The following GLIS3 variants were observed in gnomAD, a reference collection of about 807,000 sequenced individuals.
GLIS3 encodes GLIS family zinc finger 3.
In GLIS3, 53 loss-of-function variants were observed where a neutral mutation model predicts 78.6. The ratio of observed to expected loss-of-function variants is 0.67; its 90% CI spans 0.54 to 0.85. GLIS3 has a LOEUF of 0.85. GLIS3 is among the 40% of genes least tolerant of loss of function. The pLI is 0.00. For synonymous variants in GLIS3, 684 were observed against 509.9 expected (o/e 1.34, Z -4.60); for missense variants, 1,703 against 1,231.1 (o/e 1.38, Z -5.74).
intron 4 of GLIS3, among the ~76,000 whole-genome samples, chr9:3,944,615 G>T (rs1816166310): frequency 6.6e-6 from 1 of 152,180 alleles, no homozygotes. Context: ...CATGCAATCT[G>T]TGAATACATA....
At chr9:4,023,423 TCA>T in intron 4 of GLIS3, among the ~76,000 whole-genome samples, 1 of 152,172 alleles carries the variant, frequency 6.6e-6, no homozygotes, top group Admixed American at 6.5e-5. Flanking sequence ...AGCTTGGCCA[TCA>T]GACCCCAAAA....
intron 2 of GLIS3, among the ~76,000 whole-genome samples, chr9:4,283,947 A>C (rs1827773520): frequency 6.6e-6 from 1 of 152,246 alleles, no homozygotes; most frequent in South Asian, 2.1e-4. Flanking sequence ...GTAAGCTAGG[A>C]AGCTGAGCAA....
chr9:4,363,832 C>G, the GLIS3 span, among the ~76,000 whole-genome samples: 15 of 152,310 alleles, frequency 9.8e-5, no homozygotes, highest in African/African-American at 3.1e-4. Flanking sequence ...AATAATCCCA[C>G]AAGAGCTGGA....
intron 9 of GLIS3, among the ~76,000 whole-genome samples, chr9:3,848,148 A>G (rs1266642194): frequency 6.6e-6 from 1 of 152,230 alleles, no homozygotes; most frequent in Admixed American, 6.5e-5. Flanking sequence ...AACCTCATAT[A>G]TGCAGTTATG....
chr9:3,890,006 G>C (rs1010743731), intron 7 of GLIS3, among the ~76,000 whole-genome samples: 1 of 152,114 alleles, frequency 6.6e-6, no homozygotes, highest in African/African-American at 2.4e-5. Flanking sequence ...AGTTTTTTTA[G>C]ACACCTGAGA....
chr9:4,220,951 C>T lies in GLIS3; in HGVS notation c.388+65087G>A, dbSNP rs997381528. Among the ~76,000 whole-genome samples, 5 of 152,100 alleles carry T rather than the reference C, an allele frequency of 3.3e-5. No individual in the cohort carries two copies. In the East Asian group the frequency reaches 5.8e-4, roughly 18 times the overall value. Reference sequence around the variant, plus strand: ...AGTGAGCCATGATCACAGCACTGCACTCCAGCCTGGGTTACACAGCAAGAC... The same window carrying T: ...AGTGAGCCATGATCACAGCACTGCATTCCAGCCTGGGTTACACAGCAAGAC... On this transcript the variant is annotated intron_variant, in intron 2 of 10. Transcript: ENST00000381971.
intron 6 of GLIS3, among the ~76,000 whole-genome samples, chr9:3,906,926 G>A (rs1241241728): frequency 6.6e-6 from 1 of 152,088 alleles, no homozygotes; most frequent in African/African-American, 2.4e-5. Flanking sequence ...CATTCTTCCT[G>A]CCCGGAACGG....
intron 2 of GLIS3, among the ~76,000 whole-genome samples, chr9:4,237,620 T>C (rs1822889645): frequency 6.6e-6 from 1 of 152,216 alleles, no homozygotes. Flanking sequence ...GTTACCATTT[T>C]TACCCCAATT....
chr9:4,045,401 T>A (rs768498676), intron 4 of GLIS3, among the ~76,000 whole-genome samples: 5 of 152,022 alleles, frequency 3.3e-5, no homozygotes, highest in African/African-American at 7.3e-5. Context: ...AGTGGTGCGA[T>A]CTCGGCTCAC....
intron 2 of GLIS3, among the ~76,000 whole-genome samples, chr9:4,312,080 G>T (rs769906020): frequency 6.6e-6 from 1 of 152,166 alleles, no homozygotes; most frequent in Non-Finnish European, 1.5e-5. Flanking sequence ...CAACAAACCC[G>T]CATGACATGA....
chr9:4,431,520 T>C, the GLIS3 span, among the ~76,000 whole-genome samples: 1 of 152,152 alleles, frequency 6.6e-6, no homozygotes, highest in Non-Finnish European at 1.5e-5. Flanking sequence ...ACCATACTCT[T>C]AGTCCAGAGG....
In GLIS3 at chr9:4,070,715, A is replaced by C. The variant is rs540657422; in HGVS notation, c.1710+47053T>G. Among the ~76,000 whole-genome samples, 5 of 152,318 alleles carry C rather than the reference A, an allele frequency of 3.3e-5. No individual in the cohort carries two copies. In the South Asian group the frequency reaches 1.0e-3, roughly 32 times the overall value. On this transcript the variant is annotated intron_variant, in intron 4 of 10. Coordinates refer to ENST00000381971, the MANE Select transcript of GLIS3 (RefSeq NM_001042413.2). ...CTCTGCCCCAAATATCCAAATTGTT[A>C]TATCCCAAAGCAAGTAATCAGCACT...
At chr9:4,436,810 C>CA in the GLIS3 span, among the ~76,000 whole-genome samples, 15,552 of 53,434 alleles carry the variant, frequency 0.29, 3,619 homozygotes, top group East Asian at 0.39. Context: ...GACTGCATCT[C>CA]AAAAAAAAAA....
At chr9:3,989,637 A>G (rs1820058170) in intron 4 of GLIS3, among the ~76,000 whole-genome samples, 1 of 152,226 alleles carries the variant, frequency 6.6e-6, no homozygotes, top group Admixed American at 6.5e-5. Context: ...AAGAAGTTAC[A>G]TACTGTATGA....
At chr9:4,141,087 A>AC (rs1158439205) in intron 2 of GLIS3, among the ~76,000 whole-genome samples, 2 of 152,212 alleles carry the variant, frequency 1.3e-5, no homozygotes, top group Admixed American at 1.3e-4. Flanking sequence ...GGTGTGAGCC[A>AC]CCGTGCCTGG....
chr9:4,328,314 T>TC (rs35122911), intron 2 of GLIS3, among the ~76,000 whole-genome samples: 1 of 152,010 alleles, frequency 6.6e-6, no homozygotes, highest in Admixed American at 6.6e-5. Context: ...TGGTCACAGC[T>TC]CCCCCTGAAG....
chr9:4,266,595 TAC>T (rs57746056), intron 2 of GLIS3, among the ~76,000 whole-genome samples: 37,113 of 149,120 alleles, frequency 0.25, 4,510 homozygotes, highest in Non-Finnish European at 0.25. Flanking sequence ...CATGCGCGTG[TAC>T]ACACACACAC....
intron 2 of GLIS3, among the ~76,000 whole-genome samples, chr9:4,155,506 T>C (rs1340158783): frequency 6.6e-6 from 1 of 152,228 alleles, no homozygotes; most frequent in Non-Finnish European, 1.5e-5. Context: ...TTTTCTTTGC[T>C]GAACTCAAAA....
intron 2 of GLIS3, among the ~76,000 whole-genome samples, chr9:4,237,575 G>A (rs1822886028): frequency 6.6e-6 from 1 of 152,124 alleles, no homozygotes; most frequent in Non-Finnish European, 1.5e-5. Context: ...TTTTAAACCA[G>A]CTGTTTCAGT....
Sources: gnomAD v4.1 joint callset for allele counts (sites outside exome capture counted in the v4.1 genomes callset) on GRCh38, gnomAD v4.1.1 for gene constraint, MANE v1.5 for transcripts, NCBI Gene and HGNC (gene_info 2026-07-23, HGNC 2026-07-21) for gene names.